Variants in SOX6 observed in about 807,000 individuals in gnomAD.
SOX6 encodes SRY-box transcription factor 6, also known as transcription factor SOX-6.
A neutral mutation model predicts 97.8 loss-of-function variants in SOX6; 11 were observed. That is an observed-to-expected ratio of 0.11 (90% confidence interval 0.07 to 0.19). The LOEUF (loss-of-function observed/expected upper bound fraction) is 0.19. Among genes scored for constraint, SOX6 ranks in the 10% least tolerant of loss-of-function variants. The probability of loss-of-function intolerance (pLI) is 1.00; values close to 1 mark genes in which losing one functional copy is unlikely to be tolerated. For missense variants in SOX6, 810 were observed against 1,039.5 expected (o/e 0.78, Z 3.04); for synonymous variants, 360 against 371.4 (o/e 0.97, Z 0.35).
At chr11:16,321,335 G>A (rs1407385990) in intron 2 of SOX6, among the ~76,000 whole-genome samples, 1 of 151,326 alleles carries the variant, frequency 6.6e-6, no homozygotes, top group African/African-American at 2.4e-5. Flanking sequence ...ATGTGGAAGT[G>A]GTTACCTACA....
chr11:15,990,014 A>T (rs921128875), intron 13 of SOX6, among the ~76,000 whole-genome samples: 1 of 152,092 alleles, frequency 6.6e-6, no homozygotes, highest in Admixed American at 6.5e-5. Flanking sequence ...TCAACAAGTG[A>T]GTGGGAGAGG....
chr11:16,261,017 TCTAA>T (rs1264003974), intron 3 of SOX6, among the ~76,000 whole-genome samples: 7 of 152,312 alleles, frequency 4.6e-5, no homozygotes, highest in African/African-American at 9.6e-5. Flanking sequence ...CTCCATTTCA[TCTAA>T]CTAACTCCTA....
intron 3 of SOX6, among the ~76,000 whole-genome samples, chr11:16,655,550 C>G (rs971353443): frequency 6.6e-6 from 1 of 152,176 alleles, no homozygotes; most frequent in African/African-American, 2.4e-5. Context: ...TTTTATTTAT[C>G]CTGCTCAGTA....
chr11:16,707,076 G>A (rs1488688361), intron 3 of SOX6, among the ~76,000 whole-genome samples: 1 of 152,012 alleles, frequency 6.6e-6, no homozygotes, highest in Admixed American at 6.5e-5. Context: ...CTCCTTCCTA[G>A]TTATAACCCA....
At chr11:16,189,859 T>C (rs1235759376) in intron 4 of SOX6, among the ~76,000 whole-genome samples, 3 of 152,134 alleles carry the variant, frequency 2.0e-5, no homozygotes, top group Non-Finnish European at 4.4e-5. Flanking sequence ...TTTTTGTTAA[T>C]AAAGAAGAGC....
intron 6 of SOX6, among the ~76,000 whole-genome samples, chr11:16,139,562 C>G (rs893478202): frequency 3.9e-5 from 6 of 152,056 alleles, no homozygotes; most frequent in South Asian, 2.1e-4. Flanking sequence ...ATGCTTTATC[C>G]TTTTGTTATG....
intron 12 of SOX6, among the ~76,000 whole-genome samples, chr11:16,019,129 A>G (rs1028493660): frequency 1.3e-5 from 2 of 152,094 alleles, no homozygotes; most frequent in East Asian, 1.9e-4. Context: ...GTAATAATGC[A>G]CTGGGTCCCT....
intron 2 of SOX6, among the ~76,000 whole-genome samples, chr11:16,329,171 G>C (rs992005178): frequency 6.6e-6 from 1 of 152,048 alleles, no homozygotes; most frequent in Non-Finnish European, 1.5e-5. Context: ...AAAGTGTCAT[G>C]ATTCCTAAGG....
intron 1 of SOX6, among the ~76,000 whole-genome samples, chr11:16,428,304 T>G (rs1483641018): frequency 6.6e-6 from 1 of 152,344 alleles, no homozygotes; most frequent in East Asian, 1.9e-4. Flanking sequence ...GTAGTTTCTT[T>G]TGCTGTGCAG....
At position 16,499,082 on chromosome 11, in the gene SOX6, A is replaced by C. The variant is rs561890104; in HGVS notation, n.610-22694T>G. Among the ~76,000 whole-genome samples, 34 of 152,350 alleles carry C rather than the reference A, an allele frequency of 2.2e-4. 1 individual carries two copies. The highest frequency in any genetic ancestry group is 6.8e-3 in the Middle Eastern group (2 of 294). On this transcript the variant is annotated intron_variant and non_coding_transcript_variant, in intron 4 of 5. Coordinates refer to the SOX6 transcript ENST00000524520. ...AGTAAAGCACTCCGCAGCAAATGTA[A>C]AAGAACAGAAATTATAACAAACTGT...
intron 3 of SOX6, among the ~76,000 whole-genome samples, chr11:16,637,699 T>G (rs1848811811): frequency 6.6e-6 from 1 of 151,990 alleles, no homozygotes; most frequent in Non-Finnish European, 1.5e-5. Flanking sequence ...AGAATGAGGG[T>G]GGGTATTCCA....
chr11:16,622,299 G>A (rs1279776729), intron 3 of SOX6, among the ~76,000 whole-genome samples: 2 of 152,082 alleles, frequency 1.3e-5, no homozygotes, highest in African/African-American at 2.4e-5. Flanking sequence ...AGGTTTTTGG[G>A]GAACAGGTAG....
intron 3 of SOX6, among the ~76,000 whole-genome samples, chr11:16,299,529 T>A (rs1176141213): frequency 6.6e-6 from 1 of 152,186 alleles, no homozygotes; most frequent in Non-Finnish European, 1.5e-5. Context: ...AAGAACTGGT[T>A]AATATTTAAC....
At chr11:16,400,314 G>A (rs1858519432) in intron 1 of SOX6, among the ~76,000 whole-genome samples, 1 of 151,444 alleles carries the variant, frequency 6.6e-6, no homozygotes, top group Non-Finnish European at 1.5e-5. Flanking sequence ...ATTTTAAATA[G>A]GATGTTCAAG....
chr11:16,331,913 C>T (rs761205287), intron 2 of SOX6, among the ~76,000 whole-genome samples: 5 of 152,146 alleles, frequency 3.3e-5, no homozygotes, highest in Non-Finnish European at 5.9e-5. Flanking sequence ...CATATTTTCT[C>T]TCTGGAAAGA....
intron 3 of SOX6, among the ~76,000 whole-genome samples, chr11:16,261,863 T>C (rs755359500): frequency 1.4e-4 from 22 of 152,092 alleles, no homozygotes; most frequent in Non-Finnish European, 1.9e-4. Context: ...GAAAGTATGC[T>C]TTTGAAAAGG....
chr11:16,637,791 C>T (rs1848813904), intron 3 of SOX6, among the ~76,000 whole-genome samples: 1 of 152,072 alleles, frequency 6.6e-6, no homozygotes. Context: ...CTTTGGTCAC[C>T]ATCATTCCAG....
intron 4 of SOX6, among the ~76,000 whole-genome samples, chr11:16,604,228 G>A (rs1848305746): frequency 6.6e-6 from 1 of 152,248 alleles, no homozygotes; most frequent in East Asian, 1.9e-4. Context: ...AAGGTTGGGG[G>A]ACAGGCAGGG....
At chr11:16,135,719 T>C (rs1849943349) in intron 6 of SOX6, among the ~76,000 whole-genome samples, 1 of 152,218 alleles carries the variant, frequency 6.6e-6, no homozygotes, top group Admixed American at 6.5e-5. Flanking sequence ...GTGAAAATGG[T>C]ATGAACATTG....
Sources: gnomAD v4.1 joint callset for allele counts (sites outside exome capture counted in the v4.1 genomes callset) on GRCh38, gnomAD v4.1.1 for gene constraint, MANE v1.5 for transcripts, NCBI Gene and HGNC (gene_info 2026-07-23, HGNC 2026-07-21) for gene names.